The following LSS variants were observed in gnomAD, a reference collection of about 807,000 sequenced individuals.
LSS encodes the protein 2,3-epoxysqualene-lanosterol cyclase.
LSS carries 90 observed loss-of-function variants against 110.3 expected under a neutral mutation model. The observed-to-expected ratio is 0.82, with a 90% CI of 0.69 to 0.97. The LOEUF (loss-of-function observed/expected upper bound fraction) is 0.97. Among genes scored for constraint, LSS ranks in the 50% least tolerant of loss-of-function variants. LSS has a pLI of 0.00. For missense variants in LSS, 927 were observed against 990.0 expected, an observed-to-expected ratio of 0.94 and a Z score of 0.85; for synonymous variants, 433 against 400.0, an observed-to-expected ratio of 1.08 and a Z score of -0.98.
chr21:46,205,244 C>T (rs918631269), intron 17 of LSS, among the ~76,000 whole-genome samples: 1 of 152,136 alleles, frequency 6.6e-6, no homozygotes, highest in East Asian at 1.9e-4. Context: ...ACCGAAGGCC[C>T]GAGGGAGAGA....
At chr21:46,214,143 C>T (rs1375151004) in intron 9 of LSS, among the ~76,000 whole-genome samples, 2 of 152,206 alleles carry the variant, frequency 1.3e-5, no homozygotes, top group Non-Finnish European at 2.9e-5. Context: ...GGGGCATGGG[C>T]TACCAGGTGC....
rs1232844755 is a variant in LSS at position 46,206,885 on chromosome 21, C to T, written c.1468-117G>A. The T allele has an allele frequency of 5.3e-6, 4 of 761,662 alleles. No homozygotes were observed. In the Admixed American group the frequency reaches 8.1e-5, roughly 15 times the overall value. 47.2% of individuals were successfully genotyped at this position (761,662 alleles called of 1,614,324 possible). ...GGGCTGACAACCGATGGGGCAGGAACAGGGGGCGGAGAGCTGATTTCCACG... is the reference window on the plus strand; with the variant it reads ...GGGCTGACAACCGATGGGGCAGGAATAGGGGGCGGAGAGCTGATTTCCACG... On this transcript the variant is annotated intron_variant, in intron 15 of 21. Coordinates refer to ENST00000397728, the MANE Select transcript of LSS (RefSeq NM_002340.6).
chr21:46,207,187 G>A (rs528124453), intron 15 of LSS, among the ~76,000 whole-genome samples: 1 of 152,372 alleles, frequency 6.6e-6, no homozygotes, highest in South Asian at 2.1e-4. Flanking sequence ...GCTCCCCCAA[G>A]TATCGGTGGC....
At chr21:46,212,906 T>C (rs2080151525) in intron 11 of LSS, 119 bp downstream of exon 11, 7 of 1,239,222 alleles carry the variant, frequency 5.6e-6, no homozygotes, top group Non-Finnish European at 8.2e-6. Flanking sequence ...ACTCAGCCTC[T>C]AGTCGCACGC....
At chr21:46,207,161 C>A (rs1289577221) in intron 15 of LSS, among the ~76,000 whole-genome samples, 1 of 152,362 alleles carries the variant, frequency 6.6e-6, no homozygotes, top group Non-Finnish European at 1.5e-5. Flanking sequence ...AGAGAGAAAC[C>A]TTGGGGGCCA....
rs2280958 is a variant in LSS at position 46,222,102 on chromosome 21, C to T, written c.429-127G>A. ...AAATGCCTTAACCTGACATAACATG[C>T]CAACACAGGAGACCCCTGAGCAGCC... is the stretch of plus-strand genomic sequence containing the variant. On this transcript the variant is annotated intron_variant, in intron 4 of 21. Transcript: ENST00000397728. 492,348 of 1,033,258 alleles carry T rather than the reference C, an allele frequency of 0.48. 120,900 individuals are homozygous for T. Among genetic ancestry groups the T allele is most frequent in the African/African-American group, 0.68 (42,506 of 62,750 alleles). 64.0% of individuals were successfully genotyped at this position (1,033,258 alleles called of 1,614,324 possible). A position where few individuals can be genotyped will look rare whatever the true frequency, so the allele number is the denominator to read the frequency against.
chr21:46,220,967 G>C (rs1315551085), intron 5 of LSS, among the ~76,000 whole-genome samples: 2 of 148,822 alleles, frequency 1.3e-5, no homozygotes, highest in Non-Finnish European at 3.0e-5. Context: ...TTGGGGCTTG[G>C]AGAGGTGGAC....
chr21:46,209,109 CTG>C lies in LSS; in HGVS notation c.1266+443_1266+444del, dbSNP rs1284386763. ...GTCAAACTATGGGCTCGGGCAGGGT[CTG>C]TGGGCAGCTGATCTGGCAGGAGGGA... On this transcript the variant is annotated intron_variant, in intron 13 of 21. Coordinates refer to ENST00000397728, the MANE Select transcript of LSS (RefSeq NM_002340.6). This position sits in a 1 kb window ranked among gnomAD's most constrained non-coding sequence, Gnocchi z 4.4. Among the ~76,000 whole-genome samples, 1 of 152,124 alleles carries C rather than the reference CTG, an allele frequency of 6.6e-6. No homozygotes were observed. The highest frequency in any genetic ancestry group is 1.5e-5 in the Non-Finnish European group (1 of 68,012).
In LSS at chr21:46,195,699, A is replaced by G; in HGVS notation, c.1794T>C (p.Cys598=). Residue 598 remains cysteine, a synonymous_variant, in exon 19 of 22, where the codon TGT becomes TGC. Transcript: ENST00000397728. Reference sequence around the variant, plus strand: ...ACCCATCTCGGTAGGTCTGCCCCATACAGGCGAAGGCCTCCAGGCCAAACC... The same window carrying G: ...ACCCATCTCGGTAGGTCTGCCCCATGCAGGCGAAGGCCTCCAGGCCAAACC... ...GTWFGLEAFA[C]MGQTYRDGTA... 6.2e-7 allele frequency: 1 copy of G among 1,613,836 alleles called. No individual in the cohort carries two copies. Among genetic ancestry groups the G allele is most frequent in the Non-Finnish European group, 8.5e-7 (1 of 1,180,018 alleles).
At chr21:46,193,773 C>A (rs1212544845) in intron 20 of LSS, 1 of 411,366 alleles carries the variant, frequency 2.4e-6, no homozygotes, top group African/African-American at 2.1e-5. Context: ...TCTCCATGTA[C>A]CTACGTCTGT....
intron 10 of LSS, 45 bp downstream of exon 10, chr21:46,213,693 C>T (rs764144673): frequency 1.3e-6 from 2 of 1,545,858 alleles, no homozygotes; most frequent in South Asian, 2.3e-5. Flanking sequence ...GGCTCAGATC[C>T]AGTCTTCGTG....
intron 8 of LSS, 72 bp from the exon 9 acceptor site, chr21:46,215,370 AACGCC>A: frequency 5.5e-6 from 6 of 1,081,964 alleles, no homozygotes; most frequent in South Asian, 1.4e-5. Flanking sequence ...CATGCACTGC[AACGCC>A]TGGACTTGCC....
rs1569032669 is a variant in LSS at position 46,216,707 on chromosome 21, C to A, written c.648-183G>T. On this transcript the variant is annotated intron_variant, in intron 6 of 21. Coordinates refer to ENST00000397728, the MANE Select transcript of LSS (RefSeq NM_002340.6). This position sits in a 1 kb window ranked among gnomAD's most constrained non-coding sequence, Gnocchi z 4.2. ...GGGGCACAGTTGAACCATAGGTGCA[C>A]CCTCTGAGGAGCTGCACCTCCTAGT... Among the ~76,000 whole-genome samples, 1 of 152,180 alleles carries A rather than the reference C, an allele frequency of 6.6e-6. No individual in the cohort carries two copies. The highest frequency in any genetic ancestry group is 6.5e-5 in the Admixed American group (1 of 15,282).
At chr21:46,212,879 G>C (rs963832038) in intron 11 of LSS, 146 bp downstream of exon 11, 2 of 912,578 alleles carry the variant, frequency 2.2e-6, no homozygotes, top group Non-Finnish European at 3.5e-6. Context: ...CAGGGACACG[G>C]CCAGAGGCCT....
intron 3 of LSS, among the ~76,000 whole-genome samples, chr21:46,223,332 G>A (rs904690594): frequency 6.6e-6 from 1 of 152,162 alleles, no homozygotes; most frequent in African/African-American, 2.4e-5. Context: ...GGTGCTCACA[G>A]GCCACCCTCC....
chr21:46,210,694 C>G lies in LSS; in HGVS notation c.1188G>C (p.Leu396=). 1 of 1,613,972 alleles carries G rather than the reference C, an allele frequency of 6.2e-7. No individual in the cohort carries two copies. Among genetic ancestry groups the G allele is most frequent in the South Asian group, 1.1e-5 (1 of 91,062 alleles). Residue 396 remains leucine (L), a synonymous_variant, in exon 12 of 22, where the codon CTG becomes CTC. Coordinates refer to ENST00000397728, the MANE Select transcript of LSS (RefSeq NM_002340.6). ...AAGAGAAGGAGCCACGAACCTCAAGCAGAGCCTGGATGGCGAATGCGGTGT... is the reference window on the plus strand; with the variant it reads ...AAGAGAAGGAGCCACGAACCTCAAGGAGAGCCTGGATGGCGAATGCGGTGT... ...IWDTAFAIQA[L]LEAGGHHRPE... is the part of the protein sequence containing the mutation.
At chr21:46,191,813 C>T (rs1000907359) in intron 21 of LSS, 68 bp downstream of exon 21, 9 of 1,324,664 alleles carry the variant, frequency 6.8e-6, no homozygotes, top group African/African-American at 2.9e-5. Context: ...AGCAGGGGGA[C>T]GTGGAAACAG....
At chr21:46,222,564 G>T in intron 4 of LSS, 66 bp downstream of exon 4, 1 of 1,438,302 alleles carries the variant, frequency 7.0e-7, no homozygotes, top group Non-Finnish European at 9.6e-7. Flanking sequence ...GGAAACCCAA[G>T]CATCTCCTAC....
chr21:46,188,778 C>T lies in LSS; in HGVS notation c.*2326G>A, dbSNP rs1415475414. Reference sequence around the variant, plus strand: ...CTGAAGTCCTGCCTGTGTAATAACACCGAAGAGGGCAGGGAATCGCTGCGT... The same window carrying T: ...CTGAAGTCCTGCCTGTGTAATAACATCGAAGAGGGCAGGGAATCGCTGCGT... On this transcript the variant is annotated 3_prime_UTR_variant, in exon 22 of 22. Coordinates refer to ENST00000397728, the MANE Select transcript of LSS (RefSeq NM_002340.6). 1 of 471,318 alleles carries T rather than the reference C, an allele frequency of 2.1e-6. No individual in the cohort carries two copies. The highest frequency in any genetic ancestry group is 2.0e-5 in the African/African-American group (1 of 50,208). The allele number at this position is 471,318 out of a possible 1,614,324, so 29.2% of individuals were successfully genotyped here.
Sources: gnomAD v4.1 joint callset for allele counts (sites outside exome capture counted in the v4.1 genomes callset) on GRCh38, gnomAD v4.1.1 for gene constraint, Gnocchi (gnomAD v3.1) non-coding constraint, MANE v1.5 for transcripts, NCBI Gene and HGNC (gene_info 2026-07-23, HGNC 2026-07-21) for gene names.